PIP4P2: variants seen among roughly 807,000 people sequenced by gnomAD.
The protein encoded by PIP4P2 is phosphatidylinositol-4,5-bisphosphate 4-phosphatase 2.
In PIP4P2, 19 loss-of-function variants were observed where a neutral mutation model predicts 33.3. The observed-to-expected ratio is 0.57, with a 90% confidence interval of 0.40 to 0.84. The LOEUF (loss-of-function observed/expected upper bound fraction) is 0.84, where lower values mean the gene tolerates loss of function less well. Among genes scored for constraint, PIP4P2 ranks in the 40% least tolerant of loss-of-function variants. PIP4P2 has a pLI of 0.00. For synonymous variants in PIP4P2, 110 were observed against 111.9 expected (o/e 0.98, Z 0.11); for missense variants, 270 against 324.7 (o/e 0.83, Z 1.29).
At chr8:91,025,018 C>G (rs571816321) in intron 1 of PIP4P2, among the ~76,000 whole-genome samples, 1 of 152,176 alleles carries the variant, frequency 6.6e-6, no homozygotes, top group East Asian at 1.9e-4. Context: ...GGAGATCGCT[C>G]CACAATAACA....
At chr8:91,003,948 GAGATAGATAGATAGATAGATAGATAGAT>G (rs74275339) in intron 5 of PIP4P2, among the ~76,000 whole-genome samples, 2 of 138,062 alleles carry the variant, frequency 1.4e-5, no homozygotes, top group Non-Finnish European at 1.6e-5. Context: ...GAACCAACAG[GAGATAGATAGATAGATAGATAGATAGAT>G]AGATAGATAG....
chr8:90,997,365 T>C (rs1811642456), intron 5 of PIP4P2, among the ~76,000 whole-genome samples: 1 of 152,118 alleles, frequency 6.6e-6, no homozygotes, highest in Non-Finnish European at 1.5e-5. Flanking sequence ...CATTAAAGTA[T>C]CTTCATTATT....
chr8:91,015,275 G>C (rs1245305346), intron 4 of PIP4P2, among the ~76,000 whole-genome samples: 3 of 152,028 alleles, frequency 2.0e-5, no homozygotes, highest in Non-Finnish European at 4.4e-5. Flanking sequence ...GATACTAATA[G>C]CTGACAGCTT....
At chr8:91,021,532 G>C (rs1030323828) in intron 1 of PIP4P2, 128 bp from the exon 2 acceptor site, 1 of 1,105,110 alleles carries the variant, frequency 9.0e-7, no homozygotes, top group Non-Finnish European at 1.3e-6. Flanking sequence ...ATTTTTCAAA[G>C]CTAGCCAATT....
In PIP4P2 at chr8:91,029,916, G is replaced by A. The variant is rs540409194; in HGVS notation, c.107-8512C>T. On this transcript the variant is annotated intron_variant, in intron 1 of 6. Transcript: ENST00000285419. ...TGGGAGGCAGAGCTTGCAGTGAGCC[G>A]AGATCGTGCCACTGAACTCCAGCCT... Among the ~76,000 whole-genome samples, 14 of 152,138 alleles carry A rather than the reference G, an allele frequency of 9.2e-5. No homozygotes were observed. In the East Asian group the frequency reaches 1.2e-3, roughly 13 times the overall value.
At chr8:91,019,257 G>T (rs1811964486) in intron 3 of PIP4P2, among the ~76,000 whole-genome samples, 1 of 150,692 alleles carries the variant, frequency 6.6e-6, no homozygotes, top group South Asian at 2.1e-4. Flanking sequence ...TATATCAAAA[G>T]TAAACTAAGT....
chr8:91,024,264 C>T, intron 1 of PIP4P2: 1 of 417,554 alleles, frequency 2.4e-6, no homozygotes. Context: ...GTACTTTTGG[C>T]CTTTCCCTTT....
At chr8:91,033,484 G>C (rs1238029450) in intron 1 of PIP4P2, among the ~76,000 whole-genome samples, 1 of 152,050 alleles carries the variant, frequency 6.6e-6, no homozygotes, top group African/African-American at 2.4e-5. Context: ...CTGTACCCTG[G>C]TCCCCTGTTG....
intron 1 of PIP4P2, 47 bp downstream of exon 1, chr8:91,040,597 T>C: frequency 6.2e-7 from 1 of 1,607,218 alleles, no homozygotes; most frequent in Non-Finnish European, 8.5e-7. Flanking sequence ...GGCGTTTCCT[T>C]GCAAATCTAC....
chr8:91,018,461 C>T lies in PIP4P2; in HGVS notation c.415G>A (p.Ala139Thr). The part of the protein sequence containing the change: ...PVMLISEEQP[A>T]QPALPIQPEG... ...GGTTGGATTGGCAATGCAGGCTGAG[C>T]TGGTTGTTCTTCAGAAATAAGCATT... Residue 139 changes from alanine (A) to threonine (T), a missense_variant, in exon 4 of 7, where the codon GCT (alanine) becomes ACT (threonine). Physicochemically the swap from Ala to Thr is moderately conservative, Grantham distance 58 (BLOSUM62 0). Coordinates refer to ENST00000285419, the MANE Select transcript of PIP4P2 (RefSeq NM_018710.3). 1.2e-6 allele frequency: 2 copies of T among 1,613,976 alleles called. No individual in the cohort carries two copies. The highest frequency in any genetic ancestry group is 2.2e-5 in the South Asian group (2 of 91,084).
At chr8:91,030,140 C>T (rs1317096384) in intron 1 of PIP4P2, among the ~76,000 whole-genome samples, 1 of 150,264 alleles carries the variant, frequency 6.7e-6, no homozygotes, top group African/African-American at 2.5e-5. Context: ...TACTCATCTA[C>T]CTATAGGAAG....
At chr8:90,999,462 C>T (rs890592810) in intron 5 of PIP4P2, among the ~76,000 whole-genome samples, 5 of 152,044 alleles carry the variant, frequency 3.3e-5, no homozygotes, top group African/African-American at 1.2e-4. Context: ...GTTGGCTTTT[C>T]CACTCAATTC....
intron 2 of PIP4P2, 33 bp downstream of exon 2, chr8:91,021,222 AT>A: frequency 6.2e-7 from 1 of 1,608,880 alleles, no homozygotes; most frequent in African/African-American, 1.3e-5. Flanking sequence ...TCAAATAACA[AT>A]TTATATTTTT....
chr8:90,998,508 T>C (rs1390324789), intron 5 of PIP4P2, among the ~76,000 whole-genome samples: 3 of 151,980 alleles, frequency 2.0e-5, no homozygotes, highest in African/African-American at 4.8e-5. Flanking sequence ...ACATATTTAG[T>C]ACATATGTGG....
At chr8:91,007,442 T>C (rs1471621254) in intron 5 of PIP4P2, among the ~76,000 whole-genome samples, 1 of 152,166 alleles carries the variant, frequency 6.6e-6, no homozygotes, top group Non-Finnish European at 1.5e-5. Context: ...CAACTCTCAA[T>C]GTAGATAAGG....
At chr8:91,029,614 G>A (rs1812131857) in intron 1 of PIP4P2, among the ~76,000 whole-genome samples, 1 of 152,184 alleles carries the variant, frequency 6.6e-6, no homozygotes, top group African/African-American at 2.4e-5. Flanking sequence ...GAAGTTCATA[G>A]GCAAGGGACT....
chr8:91,013,138 T>C (rs953206997), intron 4 of PIP4P2, among the ~76,000 whole-genome samples: 13 of 152,276 alleles, frequency 8.5e-5, no homozygotes, highest in South Asian at 4.1e-4. Context: ...ATTCCTCTCC[T>C]ATTAGGTTAG....
At chr8:91,018,761 T>C (rs1811956463) in intron 3 of PIP4P2, 1 of 370,690 alleles carries the variant, frequency 2.7e-6, no homozygotes, top group Admixed American at 4.0e-5. Context: ...ACCATTTAAC[T>C]GTCATTTCCA....
intron 4 of PIP4P2, among the ~76,000 whole-genome samples, chr8:91,017,485 G>C (rs547552598): frequency 2.0e-5 from 3 of 152,196 alleles, no homozygotes; most frequent in Admixed American, 6.5e-5. Context: ...AGCTGAAAGA[G>C]TTGAAAGCAT....
Sources: allele counts gnomAD v4.1 joint callset (sites outside exome capture counted in the v4.1 genomes callset), GRCh38; gene constraint gnomAD v4.1.1; transcripts MANE v1.5; gene names NCBI Gene and HGNC (gene_info 2026-07-23, HGNC 2026-07-21).